Variants in CYRIA observed in about 807,000 individuals in gnomAD.
CYRIA encodes the protein CYFIP related Rac1 interactor A.
CYRIA carries 15 observed loss-of-function variants against 43.9 expected under a neutral mutation model. That is an observed-to-expected ratio of 0.34 (90% CI 0.23 to 0.53). The LOEUF (loss-of-function observed/expected upper bound fraction) is 0.53. CYRIA is among the 20% of genes least tolerant of loss of function. The pLI, the probability that CYRIA is intolerant of heterozygous loss-of-function variation, is 0.94. For synonymous variants in CYRIA, 117 were observed against 136.0 expected (o/e 0.86, Z 0.97); for missense variants, 236 against 394.2 (o/e 0.60, Z 3.40).
In CYRIA at chr2:16,647,728, C is replaced by T. The variant is rs545024119; in HGVS notation, c.-167+18052G>A. Among the ~76,000 whole-genome samples the T allele has an allele frequency of 3.8e-4, 58 of 152,360 alleles. 1 individual carries two copies. In the South Asian group the frequency reaches 0.012, roughly 31 times the overall value. ...CACTTTCTTTCTCCTCTGCCTTGTA[C>T]AGTCCACATTTTTCCTTCAGATTCT... is the stretch of plus-strand genomic sequence containing the variant. On this transcript the variant is annotated intron_variant, in intron 1 of 11. Transcript: ENST00000381323.
intron 2 of CYRIA, among the ~76,000 whole-genome samples, chr2:16,613,921 G>A (rs1307337380): frequency 9.9e-5 from 15 of 152,204 alleles, no homozygotes; most frequent in Admixed American, 9.8e-4. Context: ...CATTTGAGAA[G>A]GAAACGTGAA....
chr2:16,593,303 AC>A (rs1223073420), intron 2 of CYRIA, among the ~76,000 whole-genome samples: 1 of 152,176 alleles, frequency 6.6e-6, no homozygotes, highest in East Asian at 1.9e-4. Flanking sequence ...TTAAACTATA[AC>A]CAGGTAAATG....
Position 16,582,366 on chromosome 2 carries a change from C to T in CYRIA, c.70+5684G>A, listed in dbSNP as rs569611992. On this transcript the variant is annotated intron_variant, in intron 3 of 11. Transcript: ENST00000381323. The stretch of plus-strand genomic sequence containing the variant: ...TACAACTTTGTTGAGATTTAATTCA[C>T]GTGCCATACGATTTGCCCATTTAAA... Among the ~76,000 whole-genome samples the T allele has an allele frequency of 4.3e-4, 65 of 152,254 alleles. 2 individuals carry two copies. In the South Asian group the frequency reaches 0.013, roughly 30 times the overall value.
intron 2 of CYRIA, among the ~76,000 whole-genome samples, chr2:16,590,262 C>T (rs78915511): frequency 0.026 from 3,916 of 152,158 alleles, 191 homozygotes; most frequent in African/African-American, 0.09. Context: ...TGGTAGAGTC[C>T]ATCCCTGCCA....
intron 10 of CYRIA, among the ~76,000 whole-genome samples, chr2:16,556,904 G>T (rs1171152974): frequency 6.6e-6 from 1 of 152,072 alleles, no homozygotes. Context: ...CTTAGACACT[G>T]GTTGGAGGAC....
chr2:16,641,307 C>T (rs145439624), intron 1 of CYRIA, among the ~76,000 whole-genome samples: 25 of 152,316 alleles, frequency 1.6e-4, no homozygotes, highest in Middle Eastern at 3.4e-3. Context: ...CTCCGCTCTT[C>T]CTTCTCCTCC....
At chr2:16,626,082 G>A (rs1669154330) in intron 1 of CYRIA, among the ~76,000 whole-genome samples, 1 of 151,996 alleles carries the variant, frequency 6.6e-6, no homozygotes, top group South Asian at 2.1e-4. Flanking sequence ...AACTCCAAAT[G>A]CACATTGTAA....
chr2:16,637,703 T>G (rs1669540656), intron 1 of CYRIA, among the ~76,000 whole-genome samples: 1 of 152,278 alleles, frequency 6.6e-6, no homozygotes, highest in Non-Finnish European at 1.5e-5. Flanking sequence ...AACTTGAATT[T>G]TTTTATGCTA....
chr2:16,656,657 G>T (rs148211490), intron 1 of CYRIA, among the ~76,000 whole-genome samples: 28 of 152,350 alleles, frequency 1.8e-4, no homozygotes, highest in African/African-American at 6.7e-4. Flanking sequence ...GATTCTGAAA[G>T]AAATGTTAAT....
At chr2:16,611,170 C>G (rs1668588938) in intron 2 of CYRIA, among the ~76,000 whole-genome samples, 1 of 149,574 alleles carries the variant, frequency 6.7e-6, no homozygotes, top group Admixed American at 6.7e-5. Flanking sequence ...CCATCCTTCA[C>G]AACATGGTGA....
intron 1 of CYRIA, among the ~76,000 whole-genome samples, chr2:16,663,761 G>T (rs1232621759): frequency 6.6e-6 from 1 of 152,114 alleles, no homozygotes; most frequent in Non-Finnish European, 1.5e-5. Flanking sequence ...ACTCCAGACA[G>T]CTTCCTGGCA....
At chr2:16,560,895 G>T in intron 9 of CYRIA, 95 bp downstream of exon 9, 1 of 1,110,918 alleles carries the variant, frequency 9.0e-7, no homozygotes, top group Non-Finnish European at 1.4e-6. Flanking sequence ...ACTTTAGGGT[G>T]TTGACCCAAA....
chr2:16,619,858 C>G (rs1454948954), intron 2 of CYRIA, among the ~76,000 whole-genome samples: 1 of 152,184 alleles, frequency 6.6e-6, no homozygotes, highest in African/African-American at 2.4e-5. Flanking sequence ...GAGTGCAGTT[C>G]TGTACCTGAG....
At chr2:16,659,868 T>A (rs1156623134) in intron 1 of CYRIA, among the ~76,000 whole-genome samples, 1 of 152,108 alleles carries the variant, frequency 6.6e-6, no homozygotes, top group Non-Finnish European at 1.5e-5. Flanking sequence ...ATCTGTGAGG[T>A]CAACCTTCTT....
chr2:16,644,999 G>T (rs1351561716), intron 1 of CYRIA, among the ~76,000 whole-genome samples: 2 of 152,030 alleles, frequency 1.3e-5, no homozygotes, highest in African/African-American at 4.8e-5. Flanking sequence ...CTTTGATGTT[G>T]GTACAAATCA....
intron 3 of CYRIA, among the ~76,000 whole-genome samples, chr2:16,582,695 C>G (rs1379502868): frequency 1.3e-5 from 2 of 152,156 alleles, no homozygotes; most frequent in East Asian, 3.8e-4. Flanking sequence ...ATCAGTACTT[C>G]ATTTTTTTAA....
chr2:16,624,605 G>GTCTC (rs374696147), intron 1 of CYRIA, among the ~76,000 whole-genome samples: 2 of 149,878 alleles, frequency 1.3e-5, no homozygotes, highest in African/African-American at 2.4e-5. Context: ...GTGGGCCCAG[G>GTCTC]TCTCTCTCTC....
chr2:16,622,394 T>A (rs1669024896), intron 2 of CYRIA, among the ~76,000 whole-genome samples: 1 of 152,190 alleles, frequency 6.6e-6, no homozygotes, highest in Non-Finnish European at 1.5e-5. Flanking sequence ...ACAGTTTCTC[T>A]CCTTTTTAAA....
At chr2:16,583,149 G>A (rs1667608895) in intron 3 of CYRIA, among the ~76,000 whole-genome samples, 1 of 152,124 alleles carries the variant, frequency 6.6e-6, no homozygotes, top group Non-Finnish European at 1.5e-5. Flanking sequence ...TTGGCCATTT[G>A]TTTATTTTCT....
Sources: gnomAD v4.1 joint callset for allele counts (sites outside exome capture counted in the v4.1 genomes callset) on GRCh38, gnomAD v4.1.1 for gene constraint, MANE v1.5 for transcripts, NCBI Gene and HGNC (gene_info 2026-07-23, HGNC 2026-07-21) for gene names.